The following TACC1 variants were observed in gnomAD, a reference collection of about 807,000 sequenced individuals.
TACC1 encodes the protein transforming acidic coiled-coil-containing protein 1.
In TACC1, 48 loss-of-function variants were observed where a neutral mutation model predicts 84.4. That is an observed-to-expected ratio of 0.57 (90% confidence interval 0.45 to 0.72). The LOEUF (loss-of-function observed/expected upper bound fraction) is 0.72, where lower values mean the gene tolerates loss of function less well. TACC1 is among the 30% of genes least tolerant of loss of function. The probability of loss-of-function intolerance (pLI) is 0.00; values close to 1 mark genes in which losing one functional copy is unlikely to be tolerated. For missense variants in TACC1, 920 were observed against 973.0 expected (o/e 0.95, Z 0.72); for synonymous variants, 372 against 376.3 (o/e 0.99, Z 0.13).
intron 3 of TACC1, chr8:38,757,212 C>G: frequency 2.3e-5 from 6 of 259,574 alleles, no homozygotes; most frequent in Non-Finnish European, 4.6e-5. Flanking sequence ...GCCGGGCGCC[C>G]CACCCCGCCC....
intron 3 of TACC1, among the ~76,000 whole-genome samples, chr8:38,763,238 CT>C (rs1453535517): frequency 3.9e-5 from 6 of 152,096 alleles, no homozygotes; most frequent in Non-Finnish European, 7.4e-5. Context: ...AAGCCTTGAA[CT>C]CCTGGGCTGA....
intron 1 of TACC1, among the ~76,000 whole-genome samples, chr8:38,730,046 A>G (rs999157871): frequency 1.3e-5 from 2 of 152,208 alleles, no homozygotes; most frequent in Non-Finnish European, 2.9e-5. Flanking sequence ...CGAGGTTCCC[A>G]GTTAAAAGCA....
At chr8:38,783,106 C>CTATCTATCTATA (rs1393110234), upstream of TACC1, among the ~76,000 whole-genome samples, 3 of 87,424 alleles carry the variant, frequency 3.4e-5, no homozygotes, top group African/African-American at 7.1e-5. Context: ...ATCTATCTAT[C>CTATCTATCTATA]TATATATATA....
At position 38,851,687 on chromosome 8, in the gene TACC1, A is replaced by G; in HGVS notation, c.*3664A>G. ...ATTGTGAGCTTGCTTTCTGACTTGC[A>G]TTTCTGACTTTATCCTGTTGTTAGG... On this transcript the variant is annotated 3_prime_UTR_variant, in exon 13 of 13. Transcript: ENST00000317827. The G allele has an allele frequency of 3.6e-6, 1 of 281,534 alleles. No homozygotes were observed. The highest frequency in any genetic ancestry group is 7.2e-6 in the Non-Finnish European group (1 of 138,516). 17.4% of individuals were successfully genotyped at this position (281,534 alleles called of 1,614,324 possible). A position where few individuals can be genotyped will look rare whatever the true frequency, so the allele number is the denominator to read the frequency against.
At chr8:38,770,992 G>A (rs190727023) in intron 3 of TACC1, among the ~76,000 whole-genome samples, 5 of 152,246 alleles carry the variant, frequency 3.3e-5, no homozygotes, top group Admixed American at 2.6e-4. Flanking sequence ...AGTTGTCAGC[G>A]AGAGGCTTAC....
At chr8:38,842,544 C>T in intron 10 of TACC1, 97 bp downstream of exon 10, 1 of 1,333,318 alleles carries the variant, frequency 7.5e-7, no homozygotes, top group Non-Finnish European at 1.0e-6. Flanking sequence ...TTGTGGGTAT[C>T]CTTTTAAATA....
intron 3 of TACC1, among the ~76,000 whole-genome samples, chr8:38,772,695 A>C (rs1265779295): frequency 6.6e-6 from 1 of 152,204 alleles, no homozygotes; most frequent in Non-Finnish European, 1.5e-5. Flanking sequence ...CTCTAGCAAA[A>C]GATAATATGT....
intron 3 of TACC1, among the ~76,000 whole-genome samples, chr8:38,773,713 C>G (rs1814195310): frequency 6.6e-6 from 1 of 151,788 alleles, no homozygotes; most frequent in East Asian, 1.9e-4. Flanking sequence ...AAATATTGAG[C>G]AGAAGAAACA....
Position 38,817,937 on chromosome 8 carries a change from A to C in TACC1, c.278-1585A>C, listed in dbSNP as rs906329497. On this transcript the variant is annotated intron_variant, in intron 2 of 12. Coordinates refer to ENST00000317827, the MANE Select transcript of TACC1 (RefSeq NM_006283.3). The stretch of plus-strand genomic sequence containing the variant: ...AGACCCCTAAAAAAAAAAAAAAAAA[A>C]AAAAAAAAAACAGGCTGGACGCAGT... 6.7e-5 allele frequency among the ~76,000 whole-genome samples: 10 copies of C among 149,650 alleles called. 1 individual carries two copies. The South Asian group carries it at 8.4e-4, about 13-fold the overall frequency.
At chr8:38,769,092 T>C (rs1812882125) in intron 3 of TACC1, among the ~76,000 whole-genome samples, 1 of 148,790 alleles carries the variant, frequency 6.7e-6, no homozygotes, top group Admixed American at 6.7e-5. Flanking sequence ...CTGTGTGGTG[T>C]GTGTGTGTGT....
chr8:38,831,602 C>T (rs894189184), intron 6 of TACC1, among the ~76,000 whole-genome samples: 1 of 152,198 alleles, frequency 6.6e-6, no homozygotes, highest in East Asian at 1.9e-4. Flanking sequence ...CTCAAGTGAT[C>T]CTTCTACCAC....
intron 12 of TACC1, among the ~76,000 whole-genome samples, chr8:38,847,394 A>G (rs1413139197): frequency 1.3e-5 from 2 of 152,266 alleles, no homozygotes; most frequent in Non-Finnish European, 2.9e-5. Context: ...ACTGCTATAG[A>G]TAAATGAAAA....
In TACC1 at chr8:38,820,090, C is replaced by T. The variant is rs780896960; in HGVS notation, c.846C>T (p.Ala282=). 2 of 1,614,038 alleles carry T rather than the reference C, an allele frequency of 1.2e-6. No individual in the cohort carries two copies. The highest frequency in any genetic ancestry group is 1.1e-5 in the South Asian group (1 of 91,086). The change falls in exon 3 of 13, where the codon GCC becomes GCT. Residue 282 remains alanine (A), a synonymous_variant. Transcript: ENST00000317827. ...ACACAAGTCCTTTGCTAGGAGATGCCAGGTTCCAGAAGTCTCCCCCTGACC... is the reference window on the plus strand; with the variant it reads ...ACACAAGTCCTTTGCTAGGAGATGCTAGGTTCCAGAAGTCTCCCCCTGACC... ...DENTSPLLGD[A]RFQKSPPDLK...
chr8:38,785,391 G>A (rs767387598), upstream of TACC1, among the ~76,000 whole-genome samples: 17 of 152,270 alleles, frequency 1.1e-4, no homozygotes, highest in Non-Finnish European at 2.1e-4. Flanking sequence ...TCTACTCACT[G>A]TGGCTAGGAA....
At chr8:38,787,214 C>A (rs1223282164), upstream of TACC1, 17 of 993,842 alleles carry the variant, frequency 1.7e-5, no homozygotes, top group Admixed American at 7.9e-4. Context: ...AGCTGATGCG[C>A]GCCCCGCCGG....
chr8:38,745,799 C>A (rs1375479764), intron 3 of TACC1, among the ~76,000 whole-genome samples: 1 of 152,100 alleles, frequency 6.6e-6, no homozygotes, highest in African/African-American at 2.4e-5. Context: ...CTGCCTCGGC[C>A]TCCCAAAGTG....
At chr8:38,764,426 TAAAA>T (rs71216685) in intron 3 of TACC1, among the ~76,000 whole-genome samples, 4 of 100,976 alleles carry the variant, frequency 4.0e-5, no homozygotes, top group Non-Finnish European at 8.1e-5. Flanking sequence ...ATCAATTTGG[TAAAA>T]AAAAAAAAAA....
In TACC1 at chr8:38,848,684, G is replaced by A. The variant is rs1832716498; in HGVS notation, c.*661G>A. On this transcript the variant is annotated 3_prime_UTR_variant, in exon 13 of 13. Transcript: ENST00000317827. Reference sequence around the variant, plus strand: ...ACTCAGAACACCAACTTAAGAATTTGGGGGATTAAAGATGTGAAGACCACA... The same window carrying A: ...ACTCAGAACACCAACTTAAGAATTTAGGGGATTAAAGATGTGAAGACCACA... 6.6e-6 allele frequency: 1 copy of A among 152,558 alleles called. No individual in the cohort carries two copies. Among genetic ancestry groups the A allele is most frequent in the Non-Finnish European group, 1.5e-5 (1 of 68,024 alleles). 9.5% of individuals were successfully genotyped at this position (152,558 alleles called of 1,614,324 possible).
At chr8:38,817,759 T>C (rs1012936704) in intron 2 of TACC1, among the ~76,000 whole-genome samples, 2 of 151,564 alleles carry the variant, frequency 1.3e-5, no homozygotes, top group Non-Finnish European at 2.9e-5. Context: ...TCATAGAAGA[T>C]TCATGAGAAA....
Sources: allele counts gnomAD v4.1 joint callset (sites outside exome capture counted in the v4.1 genomes callset), GRCh38; gene constraint gnomAD v4.1.1; transcripts MANE v1.5; gene names NCBI Gene and HGNC (gene_info 2026-07-23, HGNC 2026-07-21).